ACAT1: variants seen among roughly 807,000 people sequenced by gnomAD.
ACAT1 encodes acetyl-CoA acetyltransferase 1, also known as acetyl-CoA acetyltransferase, mitochondrial.
In ACAT1, 28 loss-of-function variants were observed where a neutral mutation model predicts 47.3. That is an observed-to-expected ratio of 0.59 (90% CI 0.44 to 0.81). The LOEUF is 0.81. Ranked by LOEUF, ACAT1 falls within the 30% of genes least tolerant of loss-of-function variation. The pLI is 0.00. For missense variants in ACAT1, 469 were observed against 524.3 expected (o/e 0.89, Z 1.03); for synonymous variants, 181 against 173.6 (o/e 1.04, Z -0.34).
At position 108,142,421 on chromosome 11, in the gene ACAT1, T is replaced by A. The variant is rs1425761924; in HGVS notation, c.827-16T>A. ...GTGAAGGAATGTTTTGACTTCAACC[T>A]CATTTTTGCTTTCAGGCACAGTAAC... On this transcript the variant is annotated splice_polypyrimidine_tract_variant and intron_variant, in intron 8 of 11. Coordinates refer to ENST00000265838, the MANE Select transcript of ACAT1 (RefSeq NM_000019.4). The A allele has an allele frequency of 6.2e-7, 1 of 1,601,838 alleles. No homozygotes were observed. The highest frequency in any genetic ancestry group is 8.6e-7 in the Non-Finnish European group (1 of 1,169,348).
intron 5 of ACAT1, 161 bp from the exon 6 acceptor site, chr11:108,138,735 TCA>T (rs1189265256): frequency 1.2e-6 from 1 of 808,986 alleles, no homozygotes; most frequent in African/African-American, 1.7e-5. Context: ...CCATTTCTTT[TCA>T]TCAGGGTGAA....
chr11:108,132,583 G>C (rs867429639), intron 2 of ACAT1, among the ~76,000 whole-genome samples: 1 of 151,984 alleles, frequency 6.6e-6, no homozygotes, highest in Non-Finnish European at 1.5e-5. Flanking sequence ...GGCCGGGTGC[G>C]GTGGCTCACA....
chr11:108,144,469 C>T (rs761909638), intron 10 of ACAT1, among the ~76,000 whole-genome samples: 4 of 152,054 alleles, frequency 2.6e-5, no homozygotes, highest in Non-Finnish European at 5.9e-5. Context: ...AAACTAGAGA[C>T]AGAAAACCTA....
chr11:108,131,836 T>C (rs2077365975), intron 1 of ACAT1, 71 bp from the exon 2 acceptor site: 1 of 721,114 alleles, frequency 1.4e-6, no homozygotes, highest in Admixed American at 3.2e-5. Flanking sequence ...TATAACCTTA[T>C]CACTGAGAAA....
chr11:108,140,073 T>C lies in ACAT1; in HGVS notation c.588T>C (p.Cys196=). 1 of 1,614,000 alleles carries C rather than the reference T, an allele frequency of 6.2e-7. No homozygotes were observed. Among genetic ancestry groups the C allele is most frequent in the Non-Finnish European group, 8.5e-7 (1 of 1,179,884 alleles). The change falls in exon 7 of 12, where the codon TGT becomes TGC. Residue 196 remains cysteine (C), a synonymous_variant. Coordinates refer to ENST00000265838, the MANE Select transcript of ACAT1 (RefSeq NM_000019.4). ...TTTCAACTTTTTATCAGGGCAGCTG[T>C]GCTGAGAATACAGCAAAGAAGCTGA... ...DVYNKIHMGS[C]AENTAKKLNI...
At chr11:108,124,067 G>A (rs1004806049) in intron 1 of ACAT1, among the ~76,000 whole-genome samples, 5 of 152,170 alleles carry the variant, frequency 3.3e-5, no homozygotes, top group Non-Finnish European at 7.3e-5. Flanking sequence ...CCACTGGAAG[G>A]CACCAGTGGA....
At chr11:108,142,621 G>C in intron 9 of ACAT1, 71 bp downstream of exon 9, 1 of 1,287,156 alleles carries the variant, frequency 7.8e-7, no homozygotes, top group Non-Finnish European at 1.1e-6. Context: ...AGGATTGCTT[G>C]AGCCCCGGAG....
Position 108,140,185 on chromosome 11 carries a change from GAA to G in ACAT1, c.701_702del (p.Glu234GlyfsTer20). The G allele has an allele frequency of 1.2e-6, 2 of 1,614,164 alleles. No individual in the cohort carries two copies. Among genetic ancestry groups the G allele is most frequent in the Non-Finnish European group, 1.7e-6 (2 of 1,180,020 alleles). ...AAWEAGKFGN[E>X]VIPVTVTVKG... is the part of the protein sequence containing the mutation. ...ATGGGAAGCTGGGAAATTTGGAAAT[GAA>G]GTTATTCCTGTCACAGTTACAGTAA... On this transcript the variant is annotated frameshift_variant, in exon 7 of 12. Coordinates refer to ENST00000265838, the MANE Select transcript of ACAT1 (RefSeq NM_000019.4). LOFTEE classifies it high-confidence loss of function.
chr11:108,117,805 G>C (rs1363816503), upstream of ACAT1, among the ~76,000 whole-genome samples: 1 of 152,102 alleles, frequency 6.6e-6, no homozygotes, highest in Non-Finnish European at 1.5e-5. Context: ...TTTTCCACTA[G>C]TTTCCTGCTG....
intron 6 of ACAT1, 87 bp from the exon 7 acceptor site, chr11:108,139,978 C>A: frequency 6.8e-7 from 1 of 1,460,864 alleles, no homozygotes; most frequent in Non-Finnish European, 9.4e-7. Flanking sequence ...GAAACGTTAA[C>A]TATTAAACAC....
chr11:108,140,346 C>T, intron 7 of ACAT1, 131 bp downstream of exon 7: 1 of 1,051,530 alleles, frequency 9.5e-7, no homozygotes, highest in Non-Finnish European at 1.4e-6. Flanking sequence ...GAAGAGTTGC[C>T]AGTTCAGAGA....
At chr11:108,117,687 TAA>T (rs1864980003), upstream of ACAT1, among the ~76,000 whole-genome samples, 1 of 152,190 alleles carries the variant, frequency 6.6e-6, no homozygotes, top group Non-Finnish European at 1.5e-5. Context: ...TCCAGTAGTC[TAA>T]GTTTGACAGA....
chr11:108,117,283 G>C (rs1057293739), upstream of ACAT1, among the ~76,000 whole-genome samples: 1 of 151,448 alleles, frequency 6.6e-6, no homozygotes, highest in African/African-American at 2.4e-5. Flanking sequence ...TCCAGCCTGG[G>C]TGACAGAGCA....
In ACAT1 at chr11:108,147,544, A is replaced by C; in HGVS notation, c.*154A>C. The C allele has an allele frequency of 3.0e-6, 3 of 1,010,132 alleles. No homozygotes were observed. The South Asian group carries it at 4.5e-5, about 15-fold the overall frequency. 62.6% of individuals were successfully genotyped at this position (1,010,132 alleles called of 1,614,324 possible). On this transcript the variant is annotated 3_prime_UTR_variant, in exon 12 of 12. Transcript: ENST00000265838. ...TAAAAATCAAAATGATGAAATCCCA[A>C]AACATTTTGAAATTAAAAATAAATT...
intron 2 of ACAT1, among the ~76,000 whole-genome samples, 177 bp downstream of exon 2, chr11:108,132,131 CAGTT>C (rs749510901): frequency 9.9e-5 from 15 of 152,138 alleles, no homozygotes; most frequent in Middle Eastern, 3.2e-3. Context: ...AAAAACATGT[CAGTT>C]AGTCTCTGCC....
At chr11:108,135,688 C>T (rs914056570) in intron 5 of ACAT1, among the ~76,000 whole-genome samples, 1 of 152,008 alleles carries the variant, frequency 6.6e-6, no homozygotes. Context: ...ATTAGCTGGG[C>T]GTGGTGGCAG....
At chr11:108,140,499 A>C (rs2077564301) in intron 7 of ACAT1, among the ~76,000 whole-genome samples, 1 of 152,212 alleles carries the variant, frequency 6.6e-6, no homozygotes, top group African/African-American at 2.4e-5. Context: ...ATTTACTAGA[A>C]GGTTACCGGG....
intron 7 of ACAT1, 31 bp from the exon 8 acceptor site, chr11:108,141,574 A>G: frequency 6.4e-7 from 1 of 1,555,018 alleles, no homozygotes; most frequent in Non-Finnish European, 8.8e-7. Context: ...ACTTGTTTTG[A>G]GCGATTTTAC....
At chr11:108,126,886 G>A (rs1271747040) in intron 1 of ACAT1, among the ~76,000 whole-genome samples, 3 of 140,260 alleles carry the variant, frequency 2.1e-5, no homozygotes, top group Non-Finnish European at 4.5e-5. Flanking sequence ...TCCACCTCCC[G>A]GGTTTAAGCA....
Sources: gnomAD v4.1 joint callset for allele counts (sites outside exome capture counted in the v4.1 genomes callset) on GRCh38, gnomAD v4.1.1 for gene constraint, MANE v1.5 for transcripts, NCBI Gene and HGNC (gene_info 2026-07-23, HGNC 2026-07-21) for gene names.